ASIC2: variants seen among roughly 807,000 people sequenced by gnomAD.
ASIC2 encodes acid-sensing ion channel 2.
Under a neutral mutation model 57.3 loss-of-function variants are expected in ASIC2, and 25 were observed. That is an observed-to-expected ratio of 0.44 (90% CI 0.32 to 0.61). ASIC2 has a LOEUF of 0.61. Among genes scored for constraint, ASIC2 ranks in the 20% least tolerant of loss-of-function variants. The pLI is 0.06. For missense variants in ASIC2, 641 were observed against 738.1 expected (o/e 0.87, Z 1.52); for synonymous variants, 319 against 307.5 (o/e 1.04, Z -0.39).
At chr17:33,630,623 C>T (rs1488182119) in intron 1 of ASIC2, among the ~76,000 whole-genome samples, 1 of 152,186 alleles carries the variant, frequency 6.6e-6, no homozygotes, top group East Asian at 1.9e-4. Flanking sequence ...CTAGCTCTGA[C>T]ACTCCCTGCT....
intron 1 of ASIC2, among the ~76,000 whole-genome samples, chr17:33,320,985 A>T (rs967579253): frequency 3.9e-5 from 6 of 152,146 alleles, no homozygotes; most frequent in Non-Finnish European, 8.8e-5. Flanking sequence ...ATGGAAGGTC[A>T]CCTCATCACT....
intron 1 of ASIC2, among the ~76,000 whole-genome samples, chr17:33,600,398 T>A (rs1262375222): frequency 6.6e-6 from 1 of 152,190 alleles, no homozygotes; most frequent in Admixed American, 6.5e-5. Flanking sequence ...TTTCTGTTTA[T>A]TATAAATTAC....
At chr17:34,029,135 A>C (rs1223661007) in intron 1 of ASIC2, among the ~76,000 whole-genome samples, 1 of 152,084 alleles carries the variant, frequency 6.6e-6, no homozygotes, top group East Asian at 1.9e-4. Context: ...TGGCATTCTC[A>C]ATCCATTCCT....
chr17:33,222,039 G>A (rs1276302471), intron 1 of ASIC2, among the ~76,000 whole-genome samples: 1 of 152,138 alleles, frequency 6.6e-6, no homozygotes, highest in Non-Finnish European at 1.5e-5. Context: ...GGATTAGGTG[G>A]GTTCTCTGTA....
chr17:33,182,780 C>A (rs947951185), intron 1 of ASIC2, among the ~76,000 whole-genome samples: 1 of 152,180 alleles, frequency 6.6e-6, no homozygotes, highest in Non-Finnish European at 1.5e-5. Context: ...AGGCTCTTCA[C>A]TCTGCACAGT....
At chr17:33,540,639 G>A (rs1258780212) in intron 1 of ASIC2, among the ~76,000 whole-genome samples, 1 of 152,042 alleles carries the variant, frequency 6.6e-6, no homozygotes, top group Non-Finnish European at 1.5e-5. Flanking sequence ...TGAGTTCTTG[G>A]ACTCACTCCT....
intron 1 of ASIC2, among the ~76,000 whole-genome samples, chr17:34,022,629 G>GA (rs796222459): frequency 0.029 from 2,589 of 90,032 alleles, 35 homozygotes; most frequent in African/African-American, 0.053. Context: ...AATTTCCCAT[G>GA]AAAAAAAAAA....
intron 1 of ASIC2, among the ~76,000 whole-genome samples, chr17:33,270,850 C>T (rs986805202): frequency 1.3e-5 from 2 of 152,226 alleles, no homozygotes; most frequent in African/African-American, 4.8e-5. Context: ...TATTGAGCAC[C>T]TACTCTATGC....
chr17:33,854,316 G>C (rs1913857710), intron 1 of ASIC2, among the ~76,000 whole-genome samples: 2 of 152,182 alleles, frequency 1.3e-5, no homozygotes, highest in South Asian at 4.1e-4. Context: ...ATGGGTATTG[G>C]TCATGTGTGC....
At chr17:33,509,858 C>T (rs924008085) in intron 1 of ASIC2, among the ~76,000 whole-genome samples, 1 of 152,166 alleles carries the variant, frequency 6.6e-6, no homozygotes, top group African/African-American at 2.4e-5. Context: ...TGGGTTCTGC[C>T]CTAGCCTTGC....
chr17:33,980,037 T>C (rs1158128282), intron 1 of ASIC2, among the ~76,000 whole-genome samples: 1 of 152,022 alleles, frequency 6.6e-6, no homozygotes, highest in Non-Finnish European at 1.5e-5. Flanking sequence ...CCAGCTGGGG[T>C]GAGCCTTGTA....
At chr17:33,391,426 CT>C (rs1443866598) in intron 1 of ASIC2, among the ~76,000 whole-genome samples, 20 of 152,358 alleles carry the variant, frequency 1.3e-4, no homozygotes, top group African/African-American at 4.6e-4. Flanking sequence ...GTTCTCACCT[CT>C]TTTGGCTTCC....
At chr17:33,802,667 G>GT (rs1178251740) in intron 1 of ASIC2, among the ~76,000 whole-genome samples, 2 of 152,218 alleles carry the variant, frequency 1.3e-5, no homozygotes, top group Admixed American at 1.3e-4. Flanking sequence ...GTTTTAAACA[G>GT]TAACTGCTTC....
At chr17:34,075,179 G>T (rs1909588524) in intron 1 of ASIC2, among the ~76,000 whole-genome samples, 1 of 152,202 alleles carries the variant, frequency 6.6e-6, no homozygotes, top group Admixed American at 6.5e-5. Context: ...GAGCTTCATA[G>T]GCTCGGTGAG....
chr17:33,078,882 A>G (rs1270357372), intron 3 of ASIC2, among the ~76,000 whole-genome samples: 11 of 152,220 alleles, frequency 7.2e-5, no homozygotes, highest in Admixed American at 3.3e-4. Flanking sequence ...ATAAATGTCA[A>G]TATGAGATGA....
rs137931650 is a variant in ASIC2 at position 33,388,784 on chromosome 17, G to A, written c.556-276717C>T. Among the ~76,000 whole-genome samples the A allele has an allele frequency of 3.3e-5, 5 of 152,298 alleles. No individual in the cohort carries two copies. The East Asian group carries it at 9.6e-4, about 29-fold the overall frequency. ...CCCACAATTTCAGTGACTTAATATAGCAAATGTTCACTTCTTGCTCACACA... is the reference window on the plus strand; with the variant it reads ...CCCACAATTTCAGTGACTTAATATAACAAATGTTCACTTCTTGCTCACACA... On this transcript the variant is annotated intron_variant, in intron 1 of 9. Transcript: ENST00000359872.
At chr17:33,171,011 A>G (rs867643676) in intron 1 of ASIC2, among the ~76,000 whole-genome samples, 23 of 152,158 alleles carry the variant, frequency 1.5e-4, no homozygotes, top group Non-Finnish European at 2.8e-4. Context: ...CAACAAAGGT[A>G]AACTGATGTG....
intron 2 of ASIC2, among the ~76,000 whole-genome samples, chr17:33,104,201 A>AT (rs1415431101): frequency 1.3e-5 from 2 of 152,088 alleles, no homozygotes; most frequent in South Asian, 2.1e-4. Context: ...ACTTACATAT[A>AT]TAAAAAAAAC....
intron 1 of ASIC2, among the ~76,000 whole-genome samples, chr17:33,452,738 G>GGT (rs35126239): frequency 0.055 from 7,650 of 140,286 alleles, 217 homozygotes; most frequent in African/African-American, 0.087. Flanking sequence ...AACAGAGTGG[G>GGT]GTGTGTGTGT....
Sources: gnomAD v4.1 joint callset for allele counts (sites outside exome capture counted in the v4.1 genomes callset) on GRCh38, gnomAD v4.1.1 for gene constraint, MANE v1.5 for transcripts, NCBI Gene and HGNC (gene_info 2026-07-23, HGNC 2026-07-21) for gene names.